Variants in UBXN2A observed in about 807,000 individuals in gnomAD.
The protein encoded by UBXN2A is UBX domain-containing protein 2A.
A neutral mutation model predicts 28.4 loss-of-function variants in UBXN2A; 28 were observed. The ratio of observed to expected loss-of-function variants is 0.99; its 90% confidence interval spans 0.73 to 1.35. The LOEUF (loss-of-function observed/expected upper bound fraction) is 1.35. Ranked by LOEUF, UBXN2A falls within the 40% of genes most tolerant of loss-of-function variation. The pLI, the probability that UBXN2A is intolerant of heterozygous loss-of-function variation, is 0.00. For synonymous variants in UBXN2A, 97 were observed against 103.6 expected (o/e 0.94, Z 0.39); for missense variants, 253 against 297.9 (o/e 0.85, Z 1.11).
intron 6 of UBXN2A, among the ~76,000 whole-genome samples, chr2:23,988,136 A>G (rs954814807): frequency 5.9e-5 from 9 of 151,830 alleles, no homozygotes; most frequent in East Asian, 1.9e-4. Context: ...AAAAAAAAAA[A>G]AAAGAAAGAA....
intron 1 of UBXN2A, among the ~76,000 whole-genome samples, chr2:23,931,181 C>T (rs1275361546): frequency 6.6e-6 from 1 of 151,598 alleles, no homozygotes; most frequent in African/African-American, 2.4e-5. Context: ...GGCTCAGTGG[C>T]TCTTGCCTGT....
chr2:23,950,967 C>G (rs1706335571), intron 1 of UBXN2A, among the ~76,000 whole-genome samples: 1 of 152,148 alleles, frequency 6.6e-6, no homozygotes, highest in Non-Finnish European at 1.5e-5. Flanking sequence ...GCATGAGCCA[C>G]CATGCCTGGC....
Position 24,001,276 on chromosome 2 carries a change from C to A in UBXN2A, c.*1409C>A, listed in dbSNP as rs1197307958. The A allele has an allele frequency of 6.6e-6, 1 of 152,172 alleles. No individual in the cohort carries two copies. The highest frequency in any genetic ancestry group is 2.1e-4 in the South Asian group (1 of 4,832). The allele number at this position is 152,172 out of a possible 1,614,324, so 9.4% of individuals were successfully genotyped here. A position where few individuals can be genotyped will look rare whatever the true frequency, so the allele number is the denominator to read the frequency against. ...AAGTGCTGGGATTACAAGTGTGAAC[C>A]ACCGTGCCCAGCTGGTTTTCTGTTT... On this transcript the variant is annotated 3_prime_UTR_variant, in exon 7 of 7. Transcript: ENST00000309033.
intron 1 of UBXN2A, chr2:23,943,877 T>C (rs995420297): frequency 5.1e-6 from 2 of 389,618 alleles, no homozygotes; most frequent in Non-Finnish European, 1.0e-5. Context: ...CATGTTGGAG[T>C]GGTCATTGCC....
intron 1 of UBXN2A, among the ~76,000 whole-genome samples, chr2:23,932,358 CAGT>C (rs770047227): frequency 2.6e-5 from 4 of 151,536 alleles, no homozygotes; most frequent in Non-Finnish European, 4.4e-5. Flanking sequence ...ATGCAAAAGA[CAGT>C]AGTAAGGCCT....
chr2:23,993,352 T>C lies in UBXN2A; in HGVS notation c.585-6320T>C, dbSNP rs79393381. Among the ~76,000 whole-genome samples the C allele has an allele frequency of 7.6e-3, 1,151 of 152,252 alleles. 7 individuals carry two copies. Among genetic ancestry groups the C allele is most frequent in the Non-Finnish European group, 0.012 (785 of 68,010 alleles). ...CTAAATGACTGAAGCGTTTAAAAAT[T>C]TTTGGCCAACAGCATTTATTTAGTA... On this transcript the variant is annotated intron_variant, in intron 6 of 6. Coordinates refer to ENST00000309033, the MANE Select transcript of UBXN2A (RefSeq NM_181713.4).
At chr2:23,954,105 C>T (rs534141603) in intron 1 of UBXN2A, among the ~76,000 whole-genome samples, 51 of 152,240 alleles carry the variant, frequency 3.3e-4, no homozygotes, top group Admixed American at 9.2e-4. Context: ...CTCCGCCTCC[C>T]GGGTACAAGT....
intron 2 of UBXN2A, among the ~76,000 whole-genome samples, chr2:23,965,176 T>G (rs890977799): frequency 6.6e-6 from 1 of 152,222 alleles, no homozygotes; most frequent in Admixed American, 6.5e-5. Context: ...CCACTGCACC[T>G]GGCCTCCTTT....
At chr2:23,973,790 G>A (rs746201419) in intron 3 of UBXN2A, among the ~76,000 whole-genome samples, 5 of 150,518 alleles carry the variant, frequency 3.3e-5, no homozygotes, top group South Asian at 2.1e-4. Context: ...GCACCACCAC[G>A]CCTAGCTAAT....
At position 24,000,717 on chromosome 2, in the gene UBXN2A, AAAAT is replaced by A. The variant is rs550947147; in HGVS notation, c.*854_*857del. 2.4e-4 allele frequency: 37 copies of A among 152,276 alleles called. 1 individual carries two copies. The highest frequency in any genetic ancestry group is 8.7e-4 in the African/African-American group (36 of 41,564). 9.4% of individuals were successfully genotyped at this position (152,276 alleles called of 1,614,324 possible). A position where few individuals can be genotyped will look rare whatever the true frequency, so the allele number is the denominator to read the frequency against. On this transcript the variant is annotated 3_prime_UTR_variant, in exon 7 of 7. Coordinates refer to ENST00000309033, the MANE Select transcript of UBXN2A (RefSeq NM_181713.4). The stretch of plus-strand genomic sequence containing the variant: ...CTGTCTATATATTTTTTTAATTTAA[AAAAT>A]AAAAGAATAAAATTGTGTAGCTCAG...
intron 1 of UBXN2A, among the ~76,000 whole-genome samples, chr2:23,943,654 A>C (rs990566913): frequency 1.3e-5 from 2 of 151,706 alleles, no homozygotes; most frequent in Admixed American, 1.3e-4. Flanking sequence ...CACCCAGCTA[A>C]TTTTGTATTT....
At chr2:23,973,251 C>T (rs571344939) in intron 3 of UBXN2A, among the ~76,000 whole-genome samples, 16 of 152,114 alleles carry the variant, frequency 1.1e-4, no homozygotes, top group South Asian at 4.2e-4. Flanking sequence ...GAACTCCTGA[C>T]CTTGTGATCT....
chr2:23,984,821 A>G lies in UBXN2A; in HGVS notation c.574A>G (p.Ile192Val). 1.3e-6 allele frequency: 2 copies of G among 1,550,462 alleles called. No homozygotes were observed. The highest frequency in any genetic ancestry group is 1.4e-5 in the African/African-American group (1 of 70,166). ...AAAAAGGATTGTCCAGAAATTTAAC[A>G]TTACTCATAGGTGAGTCTTCAATTT... ...NGKRIVQKFN[I>V]THRVSHIKDF... is the part of the protein sequence containing the mutation. The change falls in exon 6 of 7, where the codon ATT (isoleucine) becomes GTT (valine). Residue 192 changes from isoleucine (I) to valine (V), a missense_variant. By Grantham distance (29) the Ile-to-Val change is conservative (BLOSUM62 3). Coordinates refer to ENST00000309033, the MANE Select transcript of UBXN2A (RefSeq NM_181713.4).
rs532798964 is a variant in UBXN2A at position 24,004,061 on chromosome 2, T to A, written c.*4194T>A. On this transcript the variant is annotated 3_prime_UTR_variant, in exon 7 of 7. Transcript: ENST00000309033. ...GGGTCCTATGGAGAAAGACCTGTTG[T>A]CATCAATAACCTTCATTATTCTAAC... The A allele has an allele frequency of 6.6e-6, 1 of 152,232 alleles. No homozygotes were observed. Among genetic ancestry groups the A allele is most frequent in the Non-Finnish European group, 1.5e-5 (1 of 68,040 alleles). 9.4% of individuals were successfully genotyped at this position (152,232 alleles called of 1,614,324 possible). A position where few individuals can be genotyped will look rare whatever the true frequency, so the allele number is the denominator to read the frequency against.
intron 2 of UBXN2A, among the ~76,000 whole-genome samples, chr2:23,970,963 C>T (rs1287179959): frequency 6.6e-6 from 1 of 152,124 alleles, no homozygotes; most frequent in Non-Finnish European, 1.5e-5. Context: ...CTGTCACTCA[C>T]CACCTGCTGT....
upstream of UBXN2A, among the ~76,000 whole-genome samples, chr2:23,938,714 T>G (rs1278895715): frequency 6.6e-6 from 1 of 152,084 alleles, no homozygotes; most frequent in Admixed American, 6.6e-5. Context: ...ACTATACAGC[T>G]ACAGTAATCA....
intron 3 of UBXN2A, among the ~76,000 whole-genome samples, chr2:23,972,329 T>C (rs939120480): frequency 6.6e-6 from 1 of 152,160 alleles, no homozygotes; most frequent in African/African-American, 2.4e-5. Flanking sequence ...GGGATGCTTA[T>C]TGGGGGCATT....
intron 1 of UBXN2A, chr2:23,944,284 A>G: frequency 1.2e-5 from 19 of 1,605,018 alleles, no homozygotes; most frequent in Non-Finnish European, 1.4e-5. Flanking sequence ...AAGATTCCCC[A>G]GCTATACCAG....
In UBXN2A at chr2:23,973,306, A is replaced by G. The variant is rs188932609; in HGVS notation, c.180+1892A>G. The stretch of plus-strand genomic sequence containing the variant: ...AGTTCTGGGATTACAAGCGTGAGCC[A>G]CCGCACCTGGCCTGGTAGATATTTT... On this transcript the variant is annotated intron_variant, in intron 3 of 6. Transcript: ENST00000309033. Among the ~76,000 whole-genome samples, 1,096 of 147,058 alleles carry G rather than the reference A, an allele frequency of 7.5e-3. 12 individuals are homozygous for G. Among genetic ancestry groups the G allele is most frequent in the African/African-American group, 0.027 (1,057 of 39,860 alleles).
Sources: allele counts gnomAD v4.1 joint callset (sites outside exome capture counted in the v4.1 genomes callset), GRCh38; gene constraint gnomAD v4.1.1; transcripts MANE v1.5; gene names NCBI Gene and HGNC (gene_info 2026-07-23, HGNC 2026-07-21).